PCCB: variants seen among roughly 807,000 people sequenced by gnomAD.
PCCB encodes the protein propionyl-CoA carboxylase beta chain, mitochondrial.
A neutral mutation model predicts 60.7 loss-of-function variants in PCCB; 43 were observed. That is an observed-to-expected ratio of 0.71 (90% CI 0.55 to 0.91). The LOEUF is 0.91. Ranked by LOEUF, PCCB falls within the 40% of genes least tolerant of loss-of-function variation. PCCB has a pLI of 0.00. For synonymous variants in PCCB, 276 were observed against 255.9 expected, an observed-to-expected ratio of 1.08 and a Z score of -0.75; for missense variants, 766 against 702.8, an observed-to-expected ratio of 1.09 and a Z score of -1.02.
chr3:136,277,789 A>G (rs1043552611), intron 5 of PCCB, among the ~76,000 whole-genome samples: 1 of 152,142 alleles, frequency 6.6e-6, no homozygotes, highest in African/African-American at 2.4e-5. Flanking sequence ...CACTGGGCTA[A>G]GTTCCAGGCA....
chr3:136,268,719 C>T (rs540881593), intron 5 of PCCB, among the ~76,000 whole-genome samples: 1 of 152,116 alleles, frequency 6.6e-6, no homozygotes, highest in South Asian at 2.1e-4. Flanking sequence ...CCGCCTCGGC[C>T]TCTGAAAATG....
intron 9 of PCCB, among the ~76,000 whole-genome samples, chr3:136,311,111 C>A (rs1232040876): frequency 6.6e-6 from 1 of 151,980 alleles, no homozygotes; most frequent in Non-Finnish European, 1.5e-5. Flanking sequence ...AGACAAAAGC[C>A]TTGGGAGAGA....
chr3:136,278,738 A>G (rs1389703782), intron 5 of PCCB, among the ~76,000 whole-genome samples: 2 of 152,170 alleles, frequency 1.3e-5, no homozygotes, highest in African/African-American at 4.8e-5. Flanking sequence ...AGAATGTTGC[A>G]TATGCACTTG....
chr3:136,318,384 CAAA>C (rs896042527), intron 10 of PCCB, among the ~76,000 whole-genome samples: 1 of 149,676 alleles, frequency 6.7e-6, no homozygotes, highest in East Asian at 1.9e-4. Flanking sequence ...CCCACCTCCC[CAAA>C]AAAAAAATTT....
chr3:136,279,128 C>T (rs1350372102), intron 5 of PCCB, among the ~76,000 whole-genome samples: 5 of 152,040 alleles, frequency 3.3e-5, no homozygotes, highest in Non-Finnish European at 7.4e-5. Flanking sequence ...ATTTTGGTTA[C>T]CCTTTGCATG....
intron 5 of PCCB, among the ~76,000 whole-genome samples, chr3:136,269,466 A>G (rs886395994): frequency 3.3e-5 from 5 of 152,168 alleles, no homozygotes; most frequent in African/African-American, 1.2e-4. Flanking sequence ...TATATACACA[A>G]TCATGTCTTC....
chr3:136,288,159 T>TC (rs1366935854), intron 6 of PCCB, among the ~76,000 whole-genome samples: 3 of 152,200 alleles, frequency 2.0e-5, no homozygotes, highest in African/African-American at 7.2e-5. Flanking sequence ...TTCCTGTTCT[T>TC]CTAAATTAAG....
In PCCB at chr3:136,327,696, C is replaced by T. The variant is rs1159004294; in HGVS notation, c.1362C>T (p.Ala454=). The T allele has an allele frequency of 1.2e-6, 2 of 1,614,034 alleles. No homozygotes were observed. Among genetic ancestry groups the T allele is most frequent in the South Asian group, 1.1e-5 (1 of 91,066 alleles). The part of the protein sequence containing the change: ...SKHLCGDTNY[A]WPTAEIAVMG... ...ACCTTTGTGGTGATACCAACTATGCCTGGCCCACCGCAGAGATTGCAGTCA... is the reference window on the plus strand; with the variant it reads ...ACCTTTGTGGTGATACCAACTATGCTTGGCCCACCGCAGAGATTGCAGTCA... The change falls in exon 13 of 15, where the codon GCC becomes GCT. Residue 454 remains alanine, a synonymous_variant. Coordinates refer to ENST00000251654, the MANE Select transcript of PCCB (RefSeq NM_000532.5).
At chr3:136,257,254 A>G (rs1941696732) in intron 3 of PCCB, among the ~76,000 whole-genome samples, 1 of 152,166 alleles carries the variant, frequency 6.6e-6, no homozygotes, top group South Asian at 2.1e-4. Flanking sequence ...AGGAGCTTAT[A>G]AGGATGTGAT....
intron 1 of PCCB, among the ~76,000 whole-genome samples, chr3:136,253,863 G>A (rs1941593966): frequency 6.6e-6 from 1 of 151,694 alleles, no homozygotes; most frequent in Admixed American, 6.6e-5. Context: ...TGCCCAGGCT[G>A]GTCTCAACTC....
chr3:136,316,763 A>G (rs1175478535), intron 9 of PCCB, among the ~76,000 whole-genome samples, 178 bp from the exon 10 acceptor site: 1 of 152,074 alleles, frequency 6.6e-6, no homozygotes, highest in Non-Finnish European at 1.5e-5. Flanking sequence ...ATTTCTCCCC[A>G]GCAGGGAGGA....
intron 5 of PCCB, among the ~76,000 whole-genome samples, chr3:136,263,740 G>T (rs185342383): frequency 2.6e-5 from 4 of 152,016 alleles, no homozygotes; most frequent in African/African-American, 9.7e-5. Flanking sequence ...GCCTGGGCAC[G>T]GTGGCTCACA....
intron 5 of PCCB, among the ~76,000 whole-genome samples, chr3:136,274,605 A>G (rs996808152): frequency 6.6e-6 from 1 of 152,056 alleles, no homozygotes; most frequent in South Asian, 2.1e-4. Context: ...TGCCTTGGTG[A>G]TAATCTTTTT....
At chr3:136,298,183 G>A (rs1219301473) in intron 8 of PCCB, 111 bp downstream of exon 8, 1 of 1,314,046 alleles carries the variant, frequency 7.6e-7, no homozygotes, top group Non-Finnish European at 1.1e-6. Flanking sequence ...GCAGAGTGTG[G>A]TAGAGTGGCT....
chr3:136,323,964 G>A (rs1935203522), intron 10 of PCCB, among the ~76,000 whole-genome samples: 1 of 148,664 alleles, frequency 6.7e-6, no homozygotes, highest in South Asian at 2.1e-4. Context: ...AACGCTGGCA[G>A]TCAAATTTTC....
At chr3:136,292,416 T>TA (rs1397332630) in intron 6 of PCCB, among the ~76,000 whole-genome samples, 2 of 152,124 alleles carry the variant, frequency 1.3e-5, no homozygotes, top group Non-Finnish European at 2.9e-5. Context: ...CCTTAGTACA[T>TA]AAAAAAGCCA....
At chr3:136,280,924 G>C (rs921334023) in intron 5 of PCCB, among the ~76,000 whole-genome samples, 1 of 152,206 alleles carries the variant, frequency 6.6e-6, no homozygotes, top group East Asian at 1.9e-4. Flanking sequence ...AAAGTGCTGG[G>C]ATTACAGGTG....
intron 4 of PCCB, 45 bp from the exon 5 acceptor site, chr3:136,261,907 T>G (rs758010994): frequency 7.6e-7 from 1 of 1,314,810 alleles, no homozygotes; most frequent in East Asian, 2.5e-5. Context: ...TCGTTTTTTA[T>G]ATCAAGAACA....
At chr3:136,261,776 G>A (rs1941833011) in intron 4 of PCCB, among the ~76,000 whole-genome samples, 176 bp from the exon 5 acceptor site, 1 of 152,158 alleles carries the variant, frequency 6.6e-6, no homozygotes, top group African/African-American at 2.4e-5. Flanking sequence ...TAAATATCTG[G>A]TCCTTTGTCT....
Sources: gnomAD v4.1 joint callset for allele counts (sites outside exome capture counted in the v4.1 genomes callset) on GRCh38, gnomAD v4.1.1 for gene constraint, MANE v1.5 for transcripts, NCBI Gene and HGNC (gene_info 2026-07-23, HGNC 2026-07-21) for gene names.